The following MACROD2 variants were observed in gnomAD, a reference collection of about 807,000 sequenced individuals.
MACROD2 encodes the protein mono-ADP ribosylhydrolase 2.
Under a neutral mutation model 70.4 loss-of-function variants are expected in MACROD2, and 36 were observed. The observed-to-expected ratio is 0.51, with a 90% CI of 0.39 to 0.68. The LOEUF is 0.68. MACROD2 is among the 30% of genes least tolerant of loss of function. The probability of loss-of-function intolerance (pLI) is 0.00; values close to 1 mark genes in which losing one functional copy is unlikely to be tolerated. For synonymous variants in MACROD2, 172 were observed against 178.8 expected, an observed-to-expected ratio of 0.96 and a Z score of 0.30; for missense variants, 496 against 538.4, an observed-to-expected ratio of 0.92 and a Z score of 0.78.
intron 3 of MACROD2, among the ~76,000 whole-genome samples, chr20:14,382,790 A>T (rs1211046077): frequency 6.6e-6 from 1 of 152,160 alleles, no homozygotes; most frequent in Non-Finnish European, 1.5e-5. Context: ...AAATTTCCTG[A>T]CTTCAGTTAT....
intron 2 of MACROD2, among the ~76,000 whole-genome samples, chr20:14,070,130 G>C (rs1032486809): frequency 6.6e-6 from 1 of 152,096 alleles, no homozygotes; most frequent in Non-Finnish European, 1.5e-5. Context: ...AGTTTTGGAA[G>C]GGATTTTTGC....
chr20:15,368,385 C>G (rs1028505138), intron 6 of MACROD2, among the ~76,000 whole-genome samples: 11 of 151,824 alleles, frequency 7.2e-5, no homozygotes, highest in African/African-American at 1.9e-4. Context: ...CACTACAACA[C>G]GACAAAAACC....
intron 8 of MACROD2, among the ~76,000 whole-genome samples, chr20:15,746,014 A>G (rs1444400395): frequency 2.6e-5 from 4 of 152,136 alleles, no homozygotes; most frequent in Non-Finnish European, 4.4e-5. Flanking sequence ...TTCTTGGCCT[A>G]TGTTATTGCC....
chr20:15,672,262 C>G (rs2049989891), intron 8 of MACROD2, among the ~76,000 whole-genome samples: 1 of 151,532 alleles, frequency 6.6e-6, no homozygotes, highest in Non-Finnish European at 1.5e-5. Flanking sequence ...TTCTTCATTC[C>G]TCCTGTCAAG....
intron 5 of MACROD2, among the ~76,000 whole-genome samples, chr20:14,780,891 A>G (rs926762128): frequency 2.6e-5 from 4 of 152,118 alleles, no homozygotes; most frequent in African/African-American, 9.7e-5. Context: ...AACTTTTACA[A>G]AGAAACTTTT....
intron 3 of MACROD2, among the ~76,000 whole-genome samples, chr20:14,310,416 A>G (rs2082556383): frequency 6.6e-6 from 1 of 152,130 alleles, no homozygotes; most frequent in South Asian, 2.1e-4. Flanking sequence ...GTCCCATAAG[A>G]TTATAATGGA....
chr20:14,043,246 T>G (rs1268750171), intron 2 of MACROD2, among the ~76,000 whole-genome samples: 2 of 152,226 alleles, frequency 1.3e-5, no homozygotes, highest in Non-Finnish European at 2.9e-5. Context: ...CCTGTGCTTC[T>G]GACGGACCAA....
chr20:16,040,361 TG>T (rs1199172891), intron 15 of MACROD2, among the ~76,000 whole-genome samples: 1 of 151,976 alleles, frequency 6.6e-6, no homozygotes, highest in African/African-American at 2.4e-5. Flanking sequence ...AATCAGGTAA[TG>T]AAAATAAATT....
chr20:15,153,259 A>G (rs1246195933), intron 5 of MACROD2, among the ~76,000 whole-genome samples: 1 of 152,064 alleles, frequency 6.6e-6, no homozygotes, highest in Admixed American at 6.5e-5. Flanking sequence ...GAGTCAGTGA[A>G]GGGAGCTAGG....
chr20:14,877,170 C>T (rs1302984323), intron 5 of MACROD2, among the ~76,000 whole-genome samples: 2 of 152,024 alleles, frequency 1.3e-5, no homozygotes, highest in Admixed American at 1.3e-4. Context: ...GGATCTTTCA[C>T]ATTTTGGTTA....
intron 5 of MACROD2, among the ~76,000 whole-genome samples, chr20:14,791,609 T>C (rs1335001884): frequency 2.6e-5 from 4 of 152,046 alleles, no homozygotes; most frequent in African/African-American, 9.7e-5. Flanking sequence ...CATCCTGAAG[T>C]GATGACCTTA....
In MACROD2 at chr20:14,416,239, G is replaced by C. The variant is rs190334775; in HGVS notation, c.272-77240G>C. 7.3e-3 allele frequency among the ~76,000 whole-genome samples: 1,110 copies of C among 152,182 alleles called. 6 individuals are homozygous for C. The highest frequency in any genetic ancestry group is 0.014 in the Middle Eastern group (4 of 294). On this transcript the variant is annotated intron_variant, in intron 3 of 17. Coordinates refer to ENST00000684519, the MANE Select transcript of MACROD2 (RefSeq NM_001351661.2). ...CCCAAAGTGCTGGGATTACAGGCGTGAGCCACCGCACCCATCCTCTGTTGG... is the reference window on the plus strand; with the variant it reads ...CCCAAAGTGCTGGGATTACAGGCGTCAGCCACCGCACCCATCCTCTGTTGG...
intron 2 of MACROD2, among the ~76,000 whole-genome samples, chr20:14,057,876 CA>C (rs745359291): frequency 9.9e-5 from 15 of 152,100 alleles, no homozygotes; most frequent in Non-Finnish European, 1.6e-4. Context: ...CGTGCAACAA[CA>C]AAGATAAATT....
intron 4 of MACROD2, among the ~76,000 whole-genome samples, chr20:14,615,028 T>G (rs1398406581): frequency 6.6e-6 from 1 of 152,080 alleles, no homozygotes; most frequent in Non-Finnish European, 1.5e-5. Flanking sequence ...ATGGAACCAT[T>G]GAAATATGAA....
chr20:14,322,107 C>T (rs933907366), intron 3 of MACROD2, among the ~76,000 whole-genome samples: 1 of 140,874 alleles, frequency 7.1e-6, no homozygotes, highest in South Asian at 2.2e-4. Flanking sequence ...GTTTGGGATG[C>T]ATGGAAATGT....
At chr20:15,771,768 A>G (rs1257994828) in intron 8 of MACROD2, among the ~76,000 whole-genome samples, 2 of 152,010 alleles carry the variant, frequency 1.3e-5, no homozygotes, top group East Asian at 3.9e-4. Context: ...ATGACCCTAT[A>G]ATTACACATC....
At chr20:14,638,148 TTTAA>T (rs1280722879) in intron 4 of MACROD2, among the ~76,000 whole-genome samples, 2 of 152,132 alleles carry the variant, frequency 1.3e-5, no homozygotes, top group South Asian at 2.1e-4. Context: ...AAACTGGTAG[TTTAA>T]TTATTGTTAT....
chr20:14,511,436 A>T (rs2085029081), intron 4 of MACROD2, among the ~76,000 whole-genome samples: 1 of 152,068 alleles, frequency 6.6e-6, no homozygotes. Context: ...TTTAAAAATT[A>T]AAAAATATAT....
At chr20:15,170,170 T>A (rs2076413205) in intron 5 of MACROD2, among the ~76,000 whole-genome samples, 1 of 152,212 alleles carries the variant, frequency 6.6e-6, no homozygotes, top group Non-Finnish European at 1.5e-5. Context: ...ATCTAGTTTT[T>A]CCTAAATTCC....
Sources: allele counts gnomAD v4.1 joint callset (sites outside exome capture counted in the v4.1 genomes callset), GRCh38; gene constraint gnomAD v4.1.1; transcripts MANE v1.5; gene names NCBI Gene and HGNC (gene_info 2026-07-23, HGNC 2026-07-21).